C2orf76: variants seen among roughly 807,000 people sequenced by gnomAD.
C2orf76 encodes chromosome 2 open reading frame 76, also known as UPF0538 protein C2orf76.
C2orf76 carries 23 observed loss-of-function variants against 16.9 expected under a neutral mutation model. That is an observed-to-expected ratio of 1.36 (90% CI 0.98 to 1.93). The LOEUF (loss-of-function observed/expected upper bound fraction) is 1.93, where lower values mean the gene tolerates loss of function less well. Ranked by LOEUF, C2orf76 falls within the 30% of genes most tolerant of loss-of-function variation. The pLI, the probability that C2orf76 is intolerant of heterozygous loss-of-function variation, is 0.00. For synonymous variants in C2orf76, 48 were observed against 52.3 expected (o/e 0.92, Z 0.35); for missense variants, 152 against 152.6 (o/e 1.00, Z 0.02).
intron 1 of C2orf76, chr2:119,366,386 T>C: frequency 2.1e-6 from 1 of 470,082 alleles, no homozygotes; most frequent in South Asian, 1.6e-5. Context: ...CAGACATAAA[T>C]GTGCAATACA....
intron 1 of C2orf76, among the ~76,000 whole-genome samples, chr2:119,348,776 T>C (rs1270501412): frequency 1.3e-5 from 2 of 152,030 alleles, no homozygotes; most frequent in African/African-American, 4.8e-5. Flanking sequence ...GGGCAGGTTG[T>C]TTGAGTCCAG....
chr2:119,309,134 C>A (rs1355517904), intron 5 of C2orf76, among the ~76,000 whole-genome samples: 2 of 152,126 alleles, frequency 1.3e-5, no homozygotes, highest in Non-Finnish European at 2.9e-5. Flanking sequence ...CTCAGGCGAT[C>A]CACTAGCCTG....
At chr2:119,361,317 C>T (rs1419298876) in intron 1 of C2orf76, among the ~76,000 whole-genome samples, 1 of 152,170 alleles carries the variant, frequency 6.6e-6, no homozygotes, top group Non-Finnish European at 1.5e-5. Flanking sequence ...GATAACTGTT[C>T]AATTTTATTA....
At chr2:119,347,172 T>A (rs909109183) in intron 1 of C2orf76, among the ~76,000 whole-genome samples, 4 of 152,188 alleles carry the variant, frequency 2.6e-5, no homozygotes, top group African/African-American at 9.7e-5. Context: ...CCTCCAGATC[T>A]CATTCCCAGT....
chr2:119,306,947 GACT>G (rs1399158536), intron 5 of C2orf76, among the ~76,000 whole-genome samples: 1 of 151,822 alleles, frequency 6.6e-6, no homozygotes, highest in Non-Finnish European at 1.5e-5. Flanking sequence ...TTCCTTTCAT[GACT>G]ACTGCAGAAA....
chr2:119,290,556 G>A, the C2orf76 span, among the ~76,000 whole-genome samples: 10 of 152,230 alleles, frequency 6.6e-5, no homozygotes, highest in East Asian at 1.2e-3. Flanking sequence ...TAGGCTGGGA[G>A]TGGTGGCTCA....
At chr2:119,312,386 C>A (rs1679022242) in intron 4 of C2orf76, among the ~76,000 whole-genome samples, 1 of 152,150 alleles carries the variant, frequency 6.6e-6, no homozygotes, top group South Asian at 2.1e-4. Flanking sequence ...GTAGCTGGGA[C>A]TGCATACATG....
At chr2:119,287,688 T>TA in the C2orf76 span, among the ~76,000 whole-genome samples, 1 of 152,068 alleles carries the variant, frequency 6.6e-6, no homozygotes, top group African/African-American at 2.4e-5. Context: ...ATGGCAGAAA[T>TA]TTTTAACTGA....
chr2:119,292,347 C>T, the C2orf76 span, among the ~76,000 whole-genome samples: 1 of 152,022 alleles, frequency 6.6e-6, no homozygotes, highest in Non-Finnish European at 1.5e-5. Flanking sequence ...ACCACCACAG[C>T]GTTTGAGTTT....
chr2:119,348,428 T>C (rs1243571383), intron 1 of C2orf76, among the ~76,000 whole-genome samples: 1 of 152,244 alleles, frequency 6.6e-6, no homozygotes, highest in Admixed American at 6.5e-5. Flanking sequence ...GGCTCACGCC[T>C]GTAATCCCAG....
At chr2:119,350,077 C>CCCCCCG in intron 1 of C2orf76, among the ~76,000 whole-genome samples, 1 of 84,044 alleles carries the variant, frequency 1.2e-5, no homozygotes, top group East Asian at 3.1e-4. Flanking sequence ...CCGCCCCCCG[C>CCCCCCG]CCCCCCACCG....
At chr2:119,338,812 T>C (rs1275636350) in intron 2 of C2orf76, 1 of 152,216 alleles carries the variant, frequency 6.6e-6, no homozygotes, top group African/African-American at 2.4e-5. Context: ...TGAAGGGATG[T>C]GTAGGGCAAG....
chr2:119,310,290 A>G (rs1239639266), intron 5 of C2orf76, among the ~76,000 whole-genome samples: 1 of 152,240 alleles, frequency 6.6e-6, no homozygotes, highest in African/African-American at 2.4e-5. Context: ...ATAATATAAT[A>G]GCATTTAAAG....
intron 1 of C2orf76, among the ~76,000 whole-genome samples, chr2:119,360,736 A>G (rs931343251): frequency 2.0e-4 from 31 of 152,192 alleles, no homozygotes; most frequent in African/African-American, 7.0e-4. Flanking sequence ...AAACAATAGC[A>G]ATAGCCTTCA....
intron 1 of C2orf76, among the ~76,000 whole-genome samples, chr2:119,354,438 C>T (rs1680502736): frequency 6.6e-6 from 1 of 152,184 alleles, no homozygotes; most frequent in East Asian, 1.9e-4. Context: ...GCACGAGAAT[C>T]GCCTGAACCA....
At chr2:119,328,938 C>A (rs1054503435) in intron 2 of C2orf76, among the ~76,000 whole-genome samples, 6 of 152,084 alleles carry the variant, frequency 3.9e-5, no homozygotes, top group Admixed American at 2.6e-4. Context: ...TCCATTATGG[C>A]CAGAAAATAG....
intron 1 of C2orf76, among the ~76,000 whole-genome samples, chr2:119,344,564 T>TA: frequency 6.6e-6 from 1 of 152,028 alleles, no homozygotes. Context: ...CCAATCAAAA[T>TA]AAAAAAGAGC....
intron 4 of C2orf76, among the ~76,000 whole-genome samples, chr2:119,313,026 CAAAA>C (rs536874855): frequency 4.3e-5 from 4 of 93,622 alleles, no homozygotes; most frequent in Admixed American, 1.2e-4. Context: ...AGACTCCATT[CAAAA>C]AAAAAAAAAA....
At chr2:119,316,961 C>G in intron 4 of C2orf76, among the ~76,000 whole-genome samples, 1 of 152,158 alleles carries the variant, frequency 6.6e-6, no homozygotes, top group East Asian at 1.9e-4. Context: ...AAAGGTAAGA[C>G]AACTTCAGGA....
Sources: allele counts gnomAD v4.1 joint callset (sites outside exome capture counted in the v4.1 genomes callset), GRCh38; gene constraint gnomAD v4.1.1; transcripts MANE v1.5; gene names NCBI Gene and HGNC (gene_info 2026-07-23, HGNC 2026-07-21).